Variants in NAV3 observed in about 807,000 individuals in gnomAD.
The protein encoded by NAV3 is neuron navigator 3, also known as pore membrane and/or filament interacting like protein 1.
Under a neutral mutation model 244.7 loss-of-function variants are expected in NAV3, and 87 were observed. The ratio of observed to expected loss-of-function variants is 0.36; its 90% CI spans 0.30 to 0.42. NAV3 has a LOEUF of 0.42. Among genes scored for constraint, NAV3 ranks in the 20% least tolerant of loss-of-function variants. The pLI is 1.00. For missense variants in NAV3, 2,663 were observed against 2,893.3 expected, an observed-to-expected ratio of 0.92 and a Z score of 1.83; for synonymous variants, 1,126 against 1,042.2, an observed-to-expected ratio of 1.08 and a Z score of -1.55.
At chr12:77,872,827 T>C (rs1009089692) in intron 1 of NAV3, among the ~76,000 whole-genome samples, 8 of 152,248 alleles carry the variant, frequency 5.3e-5, no homozygotes, top group African/African-American at 1.9e-4. Flanking sequence ...TTGTGTTGAA[T>C]AAATGCAATG....
chr12:78,021,676 A>G (rs1256631146), intron 8 of NAV3, 71 bp from the exon 9 acceptor site: 2 of 1,029,034 alleles, frequency 1.9e-6, no homozygotes, highest in Non-Finnish European at 2.9e-6. Context: ...TATTTCTTGT[A>G]GAACTTCCAC....
At chr12:77,922,437 C>G (rs1887801330) in intron 1 of NAV3, among the ~76,000 whole-genome samples, 1 of 152,116 alleles carries the variant, frequency 6.6e-6, no homozygotes, top group South Asian at 2.1e-4. Context: ...CTCCACTACT[C>G]TATTTTTGGG....
intron 5 of NAV3, among the ~76,000 whole-genome samples, chr12:77,977,879 A>T (rs1441878295): frequency 6.6e-6 from 1 of 152,174 alleles, no homozygotes; most frequent in Non-Finnish European, 1.5e-5. Flanking sequence ...GCCAGAGCTC[A>T]TTTTATGATA....
chr12:77,775,366 T>C (rs1478439917), intron 2 of NAV3, among the ~76,000 whole-genome samples: 2 of 149,922 alleles, frequency 1.3e-5, no homozygotes, highest in East Asian at 3.9e-4. Context: ...TACTCCAGCA[T>C]GGGCAACAGG....
intron 31 of NAV3, among the ~76,000 whole-genome samples, chr12:78,186,873 G>A (rs1307167086): frequency 6.6e-6 from 1 of 151,776 alleles, no homozygotes; most frequent in African/African-American, 2.4e-5. Context: ...TGCAGGTGGT[G>A]GAATTCATGC....
chr12:77,697,162 C>T (rs1207935506), intron 2 of NAV3, among the ~76,000 whole-genome samples: 1 of 152,140 alleles, frequency 6.6e-6, no homozygotes, highest in Non-Finnish European at 1.5e-5. Flanking sequence ...AGCCCTGTTA[C>T]TTTCCAGTCA....
chr12:77,577,955 G>A (rs546189000), intron 2 of NAV3, among the ~76,000 whole-genome samples: 1 of 152,170 alleles, frequency 6.6e-6, no homozygotes, highest in South Asian at 2.1e-4. Flanking sequence ...AAGACAGGGT[G>A]GATAAAAATT....
chr12:78,058,337 C>T (rs1035871820), intron 11 of NAV3, among the ~76,000 whole-genome samples: 1 of 152,122 alleles, frequency 6.6e-6, no homozygotes, highest in Non-Finnish European at 1.5e-5. Context: ...GGCAAGAGAG[C>T]TTGTGCAAGG....
chr12:77,573,872 CA>C (rs1198593881), intron 2 of NAV3, among the ~76,000 whole-genome samples: 3 of 152,128 alleles, frequency 2.0e-5, no homozygotes, highest in Non-Finnish European at 4.4e-5. Context: ...AGATTTTCTG[CA>C]AACACCAAAG....
intron 5 of NAV3, among the ~76,000 whole-genome samples, chr12:77,980,588 A>C (rs572036605): frequency 6.6e-6 from 1 of 152,316 alleles, no homozygotes; most frequent in East Asian, 1.9e-4. Flanking sequence ...TTGACAAAAT[A>C]ACTTTTTCTA....
intron 3 of NAV3, among the ~76,000 whole-genome samples, chr12:77,960,997 G>A (rs551695051): frequency 1.5e-4 from 22 of 143,434 alleles, no homozygotes; most frequent in South Asian, 8.8e-4. Context: ...ACATGTATAC[G>A]CATATATGTA....
At chr12:77,862,760 A>G (rs1241639105) in intron 1 of NAV3, among the ~76,000 whole-genome samples, 3 of 151,838 alleles carry the variant, frequency 2.0e-5, no homozygotes, top group African/African-American at 7.2e-5. Context: ...TTCTTAAAAC[A>G]TTATTTTGAT....
At chr12:78,043,038 C>T (rs930593561) in intron 9 of NAV3, among the ~76,000 whole-genome samples, 6 of 151,976 alleles carry the variant, frequency 3.9e-5, no homozygotes, top group African/African-American at 1.4e-4. Context: ...ACCCATCAAC[C>T]CGTCATCTAC....
chr12:77,584,628 A>G (rs891658940), intron 2 of NAV3, among the ~76,000 whole-genome samples: 1 of 152,200 alleles, frequency 6.6e-6, no homozygotes, highest in Non-Finnish European at 1.5e-5. Context: ...CTTACAAGTG[A>G]GAAAAATGAC....
chr12:77,961,093 C>T (rs1425379178), intron 3 of NAV3, among the ~76,000 whole-genome samples: 2 of 143,756 alleles, frequency 1.4e-5, no homozygotes, highest in Non-Finnish European at 3.0e-5. Flanking sequence ...GTATATGTTA[C>T]ATGTATACGC....
chr12:77,993,567 A>G (rs1645301947), intron 5 of NAV3, among the ~76,000 whole-genome samples: 1 of 152,180 alleles, frequency 6.6e-6, no homozygotes, highest in South Asian at 2.1e-4. Flanking sequence ...GTGAATCTGA[A>G]AAGCTCCCTC....
chr12:77,820,196 C>A (rs1872681185), intron 2 of NAV3, among the ~76,000 whole-genome samples: 1 of 152,036 alleles, frequency 6.6e-6, no homozygotes, highest in South Asian at 2.1e-4. Flanking sequence ...CACTTTGCAT[C>A]TTTTATAGTA....
intron 2 of NAV3, among the ~76,000 whole-genome samples, chr12:77,761,177 G>T (rs1869443007): frequency 6.6e-6 from 1 of 152,116 alleles, no homozygotes; most frequent in South Asian, 2.1e-4. Context: ...TCCTGCCTCA[G>T]CCTCCCGAGT....
At chr12:77,577,986 G>A (rs1292374422) in intron 2 of NAV3, among the ~76,000 whole-genome samples, 5 of 152,118 alleles carry the variant, frequency 3.3e-5, no homozygotes, top group Admixed American at 1.3e-4. Flanking sequence ...TCTTACAGAG[G>A]GACTGACTAA....
Sources: allele counts gnomAD v4.1 joint callset (sites outside exome capture counted in the v4.1 genomes callset), GRCh38; gene constraint gnomAD v4.1.1; transcripts MANE v1.5; gene names NCBI Gene and HGNC (gene_info 2026-07-23, HGNC 2026-07-21).